STK32B: variants seen among roughly 807,000 people sequenced by gnomAD.
The protein encoded by STK32B is serine/threonine-protein kinase 32B.
A neutral mutation model predicts 52.6 loss-of-function variants in STK32B; 43 were observed. The observed-to-expected ratio is 0.82, with a 90% CI of 0.64 to 1.05. The LOEUF (loss-of-function observed/expected upper bound fraction) is 1.05. STK32B is among the 50% of genes least tolerant of loss of function. STK32B has a pLI of 0.00. For synonymous variants in STK32B, 238 were observed against 204.3 expected (o/e 1.17, Z -1.41); for missense variants, 621 against 534.6 (o/e 1.16, Z -1.59).
Position 5,499,370 on chromosome 4 carries a change from TTAGG to T in STK32B, c.*292_*295del, listed in dbSNP as rs1250508528. The T allele has an allele frequency of 3.0e-5, 11 of 368,872 alleles. No individual in the cohort carries two copies. Among genetic ancestry groups the T allele is most frequent in the South Asian group, 1.4e-4 (1 of 6,996 alleles). The allele number at this position is 368,872 out of a possible 1,614,324, so 22.8% of individuals were successfully genotyped here. On this transcript the variant is annotated 3_prime_UTR_variant, in exon 12 of 12. Transcript: ENST00000282908. ...TTACAAGATTATGGGGAGAACCCAA[TTAGG>T]TAGGAAACATGAAAAACCTTTGATA...
intron 11 of STK32B, among the ~76,000 whole-genome samples, chr4:5,488,347 T>A (rs938534546): frequency 6.6e-6 from 1 of 152,192 alleles, no homozygotes; most frequent in Admixed American, 6.5e-5. Flanking sequence ...TGGTGAGCAC[T>A]CTGGACTTGG....
At chr4:5,085,971 A>C (rs933970036) in intron 1 of STK32B, among the ~76,000 whole-genome samples, 4 of 151,538 alleles carry the variant, frequency 2.6e-5, no homozygotes, top group African/African-American at 9.7e-5. Context: ...TCTTTATTTT[A>C]CTCAACTTGG....
chr4:5,155,353 C>T (rs1577114515), intron 2 of STK32B, among the ~76,000 whole-genome samples: 2 of 152,282 alleles, frequency 1.3e-5, no homozygotes, highest in South Asian at 4.1e-4. Context: ...TCTCATGCAC[C>T]AGAACATAAG....
the STK32B span, among the ~76,000 whole-genome samples, chr4:5,026,622 G>A: frequency 6.6e-6 from 1 of 152,150 alleles, no homozygotes; most frequent in Non-Finnish European, 1.5e-5. Context: ...CAATTCAAGG[G>A]GAGATTTGGG....
intron 1 of STK32B, among the ~76,000 whole-genome samples, chr4:5,060,262 G>A (rs551485079): frequency 3.7e-4 from 56 of 152,246 alleles, no homozygotes; most frequent in African/African-American, 1.1e-3. Context: ...CACTGTGCCC[G>A]GCCAGGACTG....
chr4:5,278,457 A>G (rs1467325080), intron 3 of STK32B, among the ~76,000 whole-genome samples: 2 of 152,182 alleles, frequency 1.3e-5, no homozygotes, highest in Non-Finnish European at 2.9e-5. Flanking sequence ...AAACTGCCAC[A>G]TAAACTGGGG....
rs1347795146 is a variant in STK32B at position 5,332,412 on chromosome 4, G to T, written c.434+1019G>T. 6.6e-5 allele frequency among the ~76,000 whole-genome samples: 10 copies of T among 152,248 alleles called. No individual in the cohort carries two copies. In the East Asian group the frequency reaches 7.7e-4, roughly 12 times the overall value. ...AAAGCTCAGGAATTGGCAGCACCTG[G>T]TATCTATGGAATGGGGGCAGTTGGT... On this transcript the variant is annotated intron_variant, in intron 4 of 11. Coordinates refer to ENST00000282908, the MANE Select transcript of STK32B (RefSeq NM_018401.3).
intron 3 of STK32B, among the ~76,000 whole-genome samples, chr4:5,179,280 C>T (rs1299346163): frequency 6.6e-6 from 1 of 152,188 alleles, no homozygotes; most frequent in African/African-American, 2.4e-5. Flanking sequence ...GAAGTTGCCC[C>T]ATGATTCAAA....
chr4:5,265,467 C>T (rs1463535088), intron 3 of STK32B, among the ~76,000 whole-genome samples: 3 of 152,198 alleles, frequency 2.0e-5, no homozygotes, highest in African/African-American at 7.2e-5. Flanking sequence ...CCACTGCCGC[C>T]ATCCATCCAC....
intron 1 of STK32B, among the ~76,000 whole-genome samples, chr4:5,092,620 T>C (rs553909979): frequency 6.6e-6 from 1 of 152,028 alleles, no homozygotes; most frequent in South Asian, 2.1e-4. Context: ...TTCTGCAGGC[T>C]CCACGGGAAA....
chr4:5,130,752 T>C (rs1259531519), intron 1 of STK32B, among the ~76,000 whole-genome samples: 1 of 152,154 alleles, frequency 6.6e-6, no homozygotes, highest in Non-Finnish European at 1.5e-5. Flanking sequence ...AGGAAATGTC[T>C]ACCAATCCAG....
chr4:5,196,790 A>G (rs1721715264), intron 3 of STK32B, among the ~76,000 whole-genome samples: 1 of 152,148 alleles, frequency 6.6e-6, no homozygotes. Flanking sequence ...TAGTGAGAAA[A>G]CAAAAGGAAG....
intron 3 of STK32B, among the ~76,000 whole-genome samples, chr4:5,190,384 T>G (rs909257989): frequency 4.6e-5 from 7 of 152,180 alleles, no homozygotes; most frequent in African/African-American, 1.7e-4. Flanking sequence ...CTTCTCCATT[T>G]TGCAGAGGAG....
intron 4 of STK32B, among the ~76,000 whole-genome samples, chr4:5,367,360 G>A (rs1008982033): frequency 1.3e-5 from 2 of 152,194 alleles, no homozygotes; most frequent in African/African-American, 2.4e-5. Flanking sequence ...AAGGGTGAAC[G>A]TGACGGGGAT....
chr4:5,397,236 A>G (rs1216121455), intron 4 of STK32B, among the ~76,000 whole-genome samples: 1 of 152,224 alleles, frequency 6.6e-6, no homozygotes, highest in East Asian at 1.9e-4. Context: ...ATGCATTTGT[A>G]AAATCTATGG....
chr4:5,187,537 A>G (rs1339263911), intron 3 of STK32B, among the ~76,000 whole-genome samples: 1 of 151,840 alleles, frequency 6.6e-6, no homozygotes, highest in Admixed American at 6.6e-5. Context: ...TACTGGGATT[A>G]AAAGCAATGG....
At position 5,106,830 on chromosome 4, in the gene STK32B, G is replaced by A. The variant is rs548926620; in HGVS notation, c.53-33075G>A. Among the ~76,000 whole-genome samples, 7 of 152,178 alleles carry A rather than the reference G, an allele frequency of 4.6e-5. No individual in the cohort carries two copies. In the East Asian group the frequency reaches 9.6e-4, roughly 21 times the overall value. The stretch of plus-strand genomic sequence containing the variant: ...TAGATTTTATTATTGCTTCCTTGTG[G>A]TGTCTTTTGATTTGTTCCCCTGGCC... On this transcript the variant is annotated intron_variant, in intron 1 of 11. Transcript: ENST00000282908.
chr4:5,462,143 G>A (rs996151837), intron 9 of STK32B, among the ~76,000 whole-genome samples: 2 of 152,096 alleles, frequency 1.3e-5, no homozygotes, highest in Non-Finnish European at 1.5e-5. Context: ...CAGTGCATTT[G>A]TGTGTACCCA....
intron 7 of STK32B, among the ~76,000 whole-genome samples, chr4:5,455,889 C>T (rs1022729969): frequency 3.3e-5 from 5 of 152,206 alleles, no homozygotes; most frequent in African/African-American, 9.7e-5. Flanking sequence ...ATCACGAATT[C>T]ATCGCTCAGA....
Sources: gnomAD v4.1 joint callset for allele counts (sites outside exome capture counted in the v4.1 genomes callset) on GRCh38, gnomAD v4.1.1 for gene constraint, MANE v1.5 for transcripts, NCBI Gene and HGNC (gene_info 2026-07-23, HGNC 2026-07-21) for gene names.